PRKCE: variants seen among roughly 807,000 people sequenced by gnomAD.
PRKCE encodes protein kinase C epsilon.
PRKCE carries 16 observed loss-of-function variants against 85.4 expected under a neutral mutation model. That is an observed-to-expected ratio of 0.19 (90% CI 0.13 to 0.28). The LOEUF (loss-of-function observed/expected upper bound fraction) is 0.28. Ranked by LOEUF, PRKCE falls within the 10% of genes least tolerant of loss-of-function variation. The probability of loss-of-function intolerance (pLI) is 1.00; values close to 1 mark genes in which losing one functional copy is unlikely to be tolerated. For missense variants in PRKCE, 573 were observed against 975.2 expected, an observed-to-expected ratio of 0.59 and a Z score of 5.49; for synonymous variants, 388 against 371.5, an observed-to-expected ratio of 1.04 and a Z score of -0.51.
intron 1 of PRKCE, among the ~76,000 whole-genome samples, chr2:45,812,339 A>G (rs1688713822): frequency 6.6e-6 from 1 of 152,224 alleles, no homozygotes; most frequent in African/African-American, 2.4e-5. Context: ...AGGCAGCAGA[A>G]AGGCTGTTTG....
At chr2:45,805,191 C>T (rs569992267) in intron 1 of PRKCE, among the ~76,000 whole-genome samples, 22 of 152,260 alleles carry the variant, frequency 1.4e-4, no homozygotes, top group South Asian at 2.1e-4. Flanking sequence ...ACTATTACTA[C>T]GATTCCTATC....
At chr2:45,952,001 T>G (rs1700654454) in intron 2 of PRKCE, among the ~76,000 whole-genome samples, 1 of 152,186 alleles carries the variant, frequency 6.6e-6, no homozygotes, top group South Asian at 2.1e-4. Context: ...TCCAGCTAAC[T>G]TTTGCATTTT....
At chr2:46,114,238 T>G (rs1395620112) in intron 11 of PRKCE, among the ~76,000 whole-genome samples, 2 of 152,094 alleles carry the variant, frequency 1.3e-5, no homozygotes, top group East Asian at 3.9e-4. Context: ...TATAAACCTG[T>G]GCAGACCTCA....
intron 2 of PRKCE, among the ~76,000 whole-genome samples, chr2:45,898,469 G>C (rs181278887): frequency 7.6e-4 from 116 of 152,344 alleles, no homozygotes; most frequent in Middle Eastern, 6.8e-3. Flanking sequence ...TTAAGGAACA[G>C]AAAGCTACTC....
In PRKCE at chr2:45,915,317, T is replaced by A. The variant is rs528708404; in HGVS notation, c.413-61112T>A. ...AGTCTCTATTTTTTTGTTTCATTTT[T>A]TAGTAATTAATAGATTTAAGTATTT... is the stretch of plus-strand genomic sequence containing the variant. On this transcript the variant is annotated intron_variant, in intron 2 of 14. Transcript: ENST00000306156. Among the ~76,000 whole-genome samples, 13 of 152,358 alleles carry A rather than the reference T, an allele frequency of 8.5e-5. No homozygotes were observed. The East Asian group carries it at 2.5e-3, about 29-fold the overall frequency.
chr2:45,713,725 A>G (rs1038702021), intron 1 of PRKCE, among the ~76,000 whole-genome samples: 6 of 152,210 alleles, frequency 3.9e-5, no homozygotes, highest in South Asian at 2.1e-4. Flanking sequence ...GTTTCCACTC[A>G]TGGTAAATGA....
intron 2 of PRKCE, among the ~76,000 whole-genome samples, chr2:45,885,511 C>G (rs1695228775): frequency 6.6e-6 from 1 of 152,146 alleles, no homozygotes; most frequent in Non-Finnish European, 1.5e-5. Flanking sequence ...TGATACATGT[C>G]TTCCTATACA....
chr2:45,801,701 G>A (rs1687882381), intron 1 of PRKCE, among the ~76,000 whole-genome samples: 1 of 152,180 alleles, frequency 6.6e-6, no homozygotes, highest in Admixed American at 6.6e-5. Flanking sequence ...CAGAGCCAGG[G>A]TGGGAGACTG....
chr2:45,847,468 C>A (rs1255136931), intron 2 of PRKCE, among the ~76,000 whole-genome samples: 1 of 152,206 alleles, frequency 6.6e-6, no homozygotes, highest in African/African-American at 2.4e-5. Flanking sequence ...GGACTTTTTT[C>A]AAGTTGCACA....
chr2:45,755,897 C>T (rs1397602911), intron 1 of PRKCE, among the ~76,000 whole-genome samples: 1 of 152,196 alleles, frequency 6.6e-6, no homozygotes, highest in Non-Finnish European at 1.5e-5. Flanking sequence ...GCAGCTGGAA[C>T]TGGTTGGCAC....
intron 10 of PRKCE, among the ~76,000 whole-genome samples, chr2:46,062,226 G>C (rs1667212800): frequency 6.6e-6 from 1 of 152,124 alleles, no homozygotes; most frequent in Non-Finnish European, 1.5e-5. Flanking sequence ...AGATGCTGGG[G>C]GCATGGGAAT....
chr2:45,671,473 A>C (rs1193126857), intron 1 of PRKCE, among the ~76,000 whole-genome samples: 1 of 152,194 alleles, frequency 6.6e-6, no homozygotes, highest in Non-Finnish European at 1.5e-5. Context: ...ATTTAATACC[A>C]TTATCCATTT....
intron 2 of PRKCE, among the ~76,000 whole-genome samples, chr2:45,933,537 G>A (rs1161313950): frequency 7.0e-6 from 1 of 143,206 alleles, no homozygotes; most frequent in African/African-American, 2.6e-5. Flanking sequence ...GCAGTGGCGC[G>A]ATCTCGGCTC....
chr2:46,132,380 C>T (rs968841309), intron 11 of PRKCE, among the ~76,000 whole-genome samples: 2 of 152,164 alleles, frequency 1.3e-5, no homozygotes, highest in Non-Finnish European at 2.9e-5. Flanking sequence ...TTCCAAGGGA[C>T]CAATAATGTT....
intron 2 of PRKCE, among the ~76,000 whole-genome samples, chr2:45,881,148 G>A (rs369146132): frequency 0.014 from 1,501 of 108,616 alleles, 42 homozygotes; most frequent in African/African-American, 0.055. Flanking sequence ...GCGAGACTCC[G>A]TCTCAAAAAA....
chr2:45,837,683 C>G (rs1195969892), intron 1 of PRKCE, among the ~76,000 whole-genome samples: 1 of 152,064 alleles, frequency 6.6e-6, no homozygotes, highest in Non-Finnish European at 1.5e-5. Flanking sequence ...GATATAATGG[C>G]CACCTATCTT....
chr2:45,872,795 G>A (rs1405873840), intron 2 of PRKCE, among the ~76,000 whole-genome samples: 1 of 152,218 alleles, frequency 6.6e-6, no homozygotes, highest in Non-Finnish European at 1.5e-5. Context: ...AATTTGAGAT[G>A]TCTAGGAGAT....
At chr2:45,689,331 A>G (rs1677542816) in intron 1 of PRKCE, among the ~76,000 whole-genome samples, 1 of 152,164 alleles carries the variant, frequency 6.6e-6, no homozygotes, top group Admixed American at 6.5e-5. Context: ...CATGAATCAG[A>G]AAGTGCTGTG....
intron 1 of PRKCE, among the ~76,000 whole-genome samples, chr2:45,817,412 G>A (rs929187327): frequency 5.3e-5 from 8 of 152,102 alleles, no homozygotes; most frequent in Admixed American, 2.6e-4. Context: ...AAAACTTTCC[G>A]GCTGGGCGCG....
Sources: gnomAD v4.1 joint callset for allele counts (sites outside exome capture counted in the v4.1 genomes callset) on GRCh38, gnomAD v4.1.1 for gene constraint, MANE v1.5 for transcripts, NCBI Gene and HGNC (gene_info 2026-07-23, HGNC 2026-07-21) for gene names.